The following TNRC6A variants were observed in gnomAD, a reference collection of about 807,000 sequenced individuals.
The protein encoded by TNRC6A is trinucleotide repeat-containing gene 6A protein.
In TNRC6A, 44 loss-of-function variants were observed where a neutral mutation model predicts 221.2. The ratio of observed to expected loss-of-function variants is 0.20; its 90% CI spans 0.16 to 0.26. The LOEUF is 0.26. Ranked by LOEUF, TNRC6A falls within the 10% of genes least tolerant of loss-of-function variation. TNRC6A has a pLI of 1.00. For synonymous variants in TNRC6A, 847 were observed against 838.5 expected (o/e 1.01, Z -0.18); for missense variants, 2,199 against 2,404.4 (o/e 0.91, Z 1.79).
intron 4 of TNRC6A, among the ~76,000 whole-genome samples, chr16:24,766,425 G>T (rs2880663): frequency 0.17 from 26,198 of 152,058 alleles, 2,579 homozygotes; most frequent in East Asian, 0.37. Context: ...CCCTTGAAAT[G>T]ACATGCTAGC....
At chr16:24,744,070 T>G (rs532508878) in intron 2 of TNRC6A, among the ~76,000 whole-genome samples, 2 of 152,350 alleles carry the variant, frequency 1.3e-5, no homozygotes, top group East Asian at 3.9e-4. Flanking sequence ...GACCTTGATA[T>G]TTTTAAAGAA....
At chr16:24,788,022 A>G (rs1231540072) in intron 5 of TNRC6A, among the ~76,000 whole-genome samples, 1 of 152,232 alleles carries the variant, frequency 6.6e-6, no homozygotes, top group East Asian at 1.9e-4. Context: ...CACGTGACTT[A>G]TGCAGGTTAA....
chr16:24,613,127 A>G (rs1448373183), intron 1 of TNRC6A, among the ~76,000 whole-genome samples: 1 of 150,744 alleles, frequency 6.6e-6, no homozygotes, highest in Non-Finnish European at 1.5e-5. Context: ...AAAAAAAAAA[A>G]AAAAAAAAAA....
chr16:24,636,524 C>CT (rs1901643771), intron 1 of TNRC6A, among the ~76,000 whole-genome samples: 2 of 152,256 alleles, frequency 1.3e-5, no homozygotes, highest in South Asian at 4.1e-4. Flanking sequence ...GCACATGCCA[C>CT]TGCGCCTGGT....
At chr16:24,651,348 G>T (rs1233542643) in intron 2 of TNRC6A, among the ~76,000 whole-genome samples, 1 of 151,760 alleles carries the variant, frequency 6.6e-6, no homozygotes, top group Non-Finnish European at 1.5e-5. Flanking sequence ...AGACCAGCCT[G>T]ACCAACATGG....
intron 4 of TNRC6A, among the ~76,000 whole-genome samples, chr16:24,760,079 T>C (rs1237189807): frequency 6.6e-6 from 1 of 152,196 alleles, no homozygotes; most frequent in Non-Finnish European, 1.5e-5. Context: ...CTAACCAGCC[T>C]GTTTCCCATC....
intron 2 of TNRC6A, among the ~76,000 whole-genome samples, chr16:24,701,081 G>T (rs933866654): frequency 6.6e-6 from 1 of 152,250 alleles, no homozygotes; most frequent in Non-Finnish European, 1.5e-5. Context: ...GGGAGGAAGG[G>T]TGCCAAAAGG....
At chr16:24,630,867 G>A (rs1042502010) in intron 1 of TNRC6A, among the ~76,000 whole-genome samples, 10 of 152,214 alleles carry the variant, frequency 6.6e-5, no homozygotes, top group Non-Finnish European at 1.5e-4. Flanking sequence ...GTGCCTGGGA[G>A]AGGCTGCTGC....
At chr16:24,743,735 C>T (rs556204147) in intron 2 of TNRC6A, among the ~76,000 whole-genome samples, 2 of 152,236 alleles carry the variant, frequency 1.3e-5, no homozygotes, top group African/African-American at 2.4e-5. Flanking sequence ...TACTTTATTC[C>T]CTCTTTTTAT....
intron 2 of TNRC6A, among the ~76,000 whole-genome samples, chr16:24,723,418 A>G (rs557063446): frequency 1.2e-4 from 19 of 152,130 alleles, no homozygotes; most frequent in African/African-American, 4.3e-4. Flanking sequence ...ACATGGTGAA[A>G]CCCTGTCTCT....
At chr16:24,751,450 G>A (rs1162156594) in intron 3 of TNRC6A, among the ~76,000 whole-genome samples, 1 of 151,940 alleles carries the variant, frequency 6.6e-6, no homozygotes, top group Non-Finnish European at 1.5e-5. Flanking sequence ...ATTTAGTATA[G>A]GAAACTATAA....
At position 24,806,639 on chromosome 16, in the gene TNRC6A, G is replaced by A; in HGVS notation, c.4395G>A (p.Leu1465=). The A allele has an allele frequency of 6.2e-7, 1 of 1,614,182 alleles. No individual in the cohort carries two copies. Among genetic ancestry groups the A allele is most frequent in the Non-Finnish European group, 8.5e-7 (1 of 1,180,042 alleles). ...QQSRQLDPNL[L]VKQQTPPSQQ... ...CTCGTCAACTTGATCCAAACCTGTT[G>A]GTGAAGCAGCAGACTCCACCATCTC... is the stretch of plus-strand genomic sequence containing the variant. The change falls in exon 17 of 25, where the codon TTG becomes TTA. Residue 1465 remains leucine, a synonymous_variant. Coordinates refer to ENST00000395799, the MANE Select transcript of TNRC6A (RefSeq NM_014494.4).
chr16:24,651,263 G>C (rs1215097484), intron 2 of TNRC6A, among the ~76,000 whole-genome samples: 1 of 151,908 alleles, frequency 6.6e-6, no homozygotes, highest in Admixed American at 6.6e-5. Flanking sequence ...CATTCGCCAG[G>C]CGCCGTGCCT....
chr16:24,612,566 G>A (rs1900109241), intron 1 of TNRC6A, among the ~76,000 whole-genome samples: 1 of 150,298 alleles, frequency 6.7e-6, no homozygotes, highest in Admixed American at 6.7e-5. Flanking sequence ...GGGCAACATG[G>A]CAAAACCTCA....
intron 3 of TNRC6A, among the ~76,000 whole-genome samples, chr16:24,756,524 T>TG (rs1230976434): frequency 1.3e-5 from 2 of 152,232 alleles, no homozygotes; most frequent in African/African-American, 4.8e-5. Context: ...GGTGTCTCCA[T>TG]GGGGCCATTC....
At chr16:24,620,255 T>C (rs1440243398) in intron 1 of TNRC6A, among the ~76,000 whole-genome samples, 2 of 152,186 alleles carry the variant, frequency 1.3e-5, no homozygotes, top group Non-Finnish European at 2.9e-5. Flanking sequence ...AATTTCCCTA[T>C]CTATAAATTC....
At chr16:24,761,697 T>G (rs751691488) in intron 4 of TNRC6A, among the ~76,000 whole-genome samples, 2 of 151,920 alleles carry the variant, frequency 1.3e-5, no homozygotes, top group African/African-American at 4.8e-5. Context: ...AGGCTATTTT[T>G]TTTTCTTTTT....
At chr16:24,822,280 T>A in intron 23 of TNRC6A, 133 bp downstream of exon 23, 1 of 819,550 alleles carries the variant, frequency 1.2e-6, no homozygotes, top group Non-Finnish European at 1.9e-6. Context: ...AGGAGTGGTC[T>A]GTAGACCTCA....
At chr16:24,696,364 A>AG (rs1283231510) in intron 2 of TNRC6A, among the ~76,000 whole-genome samples, 121 of 144,806 alleles carry the variant, frequency 8.4e-4, no homozygotes, top group African/African-American at 3.0e-3. Flanking sequence ...AAAAAAAAAA[A>AG]AAAGAAAGTA....
Sources: gnomAD v4.1 joint callset for allele counts (sites outside exome capture counted in the v4.1 genomes callset) on GRCh38, gnomAD v4.1.1 for gene constraint, MANE v1.5 for transcripts, NCBI Gene and HGNC (gene_info 2026-07-23, HGNC 2026-07-21) for gene names.